Variants in MSI2 observed in about 807,000 individuals in gnomAD.
MSI2 encodes the protein musashi RNA binding protein 2.
Under a neutral mutation model 45.6 loss-of-function variants are expected in MSI2, and 17 were observed. That is an observed-to-expected ratio of 0.37 (90% CI 0.26 to 0.56). MSI2 has a LOEUF of 0.56. Ranked by LOEUF, MSI2 falls within the 20% of genes least tolerant of loss-of-function variation. The pLI is 0.77. For synonymous variants in MSI2, 156 were observed against 158.2 expected (o/e 0.99, Z 0.11); for missense variants, 293 against 444.2 (o/e 0.66, Z 3.06).
the MSI2 span, among the ~76,000 whole-genome samples, chr17:57,691,008 T>G: frequency 1.3e-5 from 2 of 152,220 alleles, no homozygotes; most frequent in Non-Finnish European, 2.9e-5. Context: ...TGGTTTTTCT[T>G]TTATTCCACA....
chr17:57,515,804 A>G (rs2086458976), intron 6 of MSI2, among the ~76,000 whole-genome samples: 1 of 152,222 alleles, frequency 6.6e-6, no homozygotes, highest in South Asian at 2.1e-4. Flanking sequence ...TACTTTATCC[A>G]AATCAACAGA....
intron 5 of MSI2, among the ~76,000 whole-genome samples, chr17:57,399,062 G>A (rs2083941134): frequency 6.6e-6 from 1 of 152,102 alleles, no homozygotes; most frequent in Non-Finnish European, 1.5e-5. Context: ...TCTGGAAAGG[G>A]CTTGATGGAA....
At chr17:57,339,425 T>C (rs1053547235) in intron 5 of MSI2, among the ~76,000 whole-genome samples, 88 of 152,296 alleles carry the variant, frequency 5.8e-4, no homozygotes, top group African/African-American at 2.1e-3. Flanking sequence ...AGCTCCTGCC[T>C]CCACTTGCGT....
At chr17:57,428,263 A>T (rs2084530995) in intron 6 of MSI2, among the ~76,000 whole-genome samples, 1 of 152,156 alleles carries the variant, frequency 6.6e-6, no homozygotes, top group Non-Finnish European at 1.5e-5. Flanking sequence ...TTACTCTGTC[A>T]CCCAGGCTGG....
chr17:57,506,787 T>C lies in MSI2; in HGVS notation c.406-22889T>C, dbSNP rs1311655457. On this transcript the variant is annotated intron_variant, in intron 6 of 13. Coordinates refer to ENST00000284073, the MANE Select transcript of MSI2 (RefSeq NM_138962.4). ...GCAAACCTTCCTGTGTCTTCCTCCA[T>C]GTACAGACTGTGGGGACAGCCAGGG... Among the ~76,000 whole-genome samples, 4 of 152,156 alleles carry C rather than the reference T, an allele frequency of 2.6e-5. No individual in the cohort carries two copies. The East Asian group carries it at 7.7e-4, about 29-fold the overall frequency.
At chr17:57,260,488 G>C (rs1338895742) in intron 4 of MSI2, among the ~76,000 whole-genome samples, 1 of 151,898 alleles carries the variant, frequency 6.6e-6, no homozygotes. Context: ...TTGCAATTGT[G>C]TGCCGGCCAA....
chr17:57,351,672 A>G (rs968060355), intron 5 of MSI2, among the ~76,000 whole-genome samples: 5 of 152,208 alleles, frequency 3.3e-5, no homozygotes, highest in African/African-American at 1.2e-4. Context: ...CCTGGCCAAC[A>G]TGGCGAAACC....
intron 6 of MSI2, among the ~76,000 whole-genome samples, chr17:57,454,720 C>A (rs2085081159): frequency 2.0e-5 from 3 of 152,190 alleles, no homozygotes; most frequent in Admixed American, 2.0e-4. Context: ...CAGGCGTGTG[C>A]CATGGCATGT....
chr17:57,544,473 C>T (rs531630898), intron 7 of MSI2, among the ~76,000 whole-genome samples: 23 of 152,170 alleles, frequency 1.5e-4, no homozygotes, highest in South Asian at 8.3e-4. Flanking sequence ...TCAAAATGCA[C>T]GGGGTAGGGC....
chr17:57,401,548 CG>C (rs1244743798), intron 6 of MSI2, 77 bp downstream of exon 6: 1 of 1,114,314 alleles, frequency 9.0e-7, no homozygotes, highest in Non-Finnish European at 1.4e-6. Flanking sequence ...CCGTGGCCCC[CG>C]CCCCTGCTAC....
At chr17:57,536,778 C>T (rs1189629746) in intron 7 of MSI2, among the ~76,000 whole-genome samples, 1 of 152,182 alleles carries the variant, frequency 6.6e-6, no homozygotes, top group Non-Finnish European at 1.5e-5. Context: ...TTCCTGGCCT[C>T]CCAGAGCTTT....
chr17:57,588,636 C>G (rs577798858), intron 7 of MSI2, among the ~76,000 whole-genome samples: 1 of 152,306 alleles, frequency 6.6e-6, no homozygotes, highest in African/African-American at 2.4e-5. Context: ...TCACATACTT[C>G]AGGGTGCAGG....
At chr17:57,323,791 C>T (rs1913546385) in intron 5 of MSI2, among the ~76,000 whole-genome samples, 1 of 152,210 alleles carries the variant, frequency 6.6e-6, no homozygotes, top group African/African-American at 2.4e-5. Flanking sequence ...CTATGTGTGG[C>T]ATAGACACCC....
intron 5 of MSI2, among the ~76,000 whole-genome samples, chr17:57,329,659 G>T (rs1048713674): frequency 2.0e-5 from 3 of 152,190 alleles, no homozygotes; most frequent in African/African-American, 7.2e-5. Flanking sequence ...GTGAAAAAAG[G>T]TTTGTCCTTC....
At chr17:57,698,993 A>T in the MSI2 span, among the ~76,000 whole-genome samples, 1 of 113,664 alleles carries the variant, frequency 8.8e-6, no homozygotes, top group African/African-American at 3.4e-5. Context: ...CTCTCAGATG[A>T]CTCTAATGAG....
At chr17:57,685,901 C>T (rs1296387408), downstream of MSI2, among the ~76,000 whole-genome samples, 1 of 152,242 alleles carries the variant, frequency 6.6e-6, no homozygotes, top group East Asian at 1.9e-4. Flanking sequence ...ATCCTGATTG[C>T]TCAGCTCAGA....
intron 5 of MSI2, among the ~76,000 whole-genome samples, chr17:57,360,900 C>G (rs1000514285): frequency 6.6e-6 from 1 of 152,188 alleles, no homozygotes; most frequent in East Asian, 1.9e-4. Flanking sequence ...GTAGATGCCA[C>G]ATGGTTAAGG....
chr17:57,664,354 C>G (rs1912216778), intron 11 of MSI2, among the ~76,000 whole-genome samples: 1 of 152,104 alleles, frequency 6.6e-6, no homozygotes, highest in South Asian at 2.1e-4. Context: ...CCCATCTCTA[C>G]TAAAAATACA....
Position 57,550,001 on chromosome 17 carries a change from C to T in MSI2, c.454+20277C>T, listed in dbSNP as rs2087265481. Among the ~76,000 whole-genome samples, 3 of 152,318 alleles carry T rather than the reference C, an allele frequency of 2.0e-5. No individual in the cohort carries two copies. The South Asian group carries it at 6.2e-4, about 32-fold the overall frequency. On this transcript the variant is annotated intron_variant, in intron 7 of 13. Coordinates refer to ENST00000284073, the MANE Select transcript of MSI2 (RefSeq NM_138962.4). ...AGGGTTGATGCTGGAGCAGGAGCAG[C>T]ATCTTCACAGGCTGTGGTCACTCCT...
Sources: allele counts gnomAD v4.1 joint callset (sites outside exome capture counted in the v4.1 genomes callset), GRCh38; gene constraint gnomAD v4.1.1; transcripts MANE v1.5; gene names NCBI Gene and HGNC (gene_info 2026-07-23, HGNC 2026-07-21).